STAT4: variants seen among roughly 807,000 people sequenced by gnomAD.
STAT4 encodes signal transducer and activator of transcription 4.
STAT4 carries 42 observed loss-of-function variants against 110.5 expected under a neutral mutation model. That is an observed-to-expected ratio of 0.38 (90% CI 0.30 to 0.49). STAT4 has a LOEUF of 0.49. Among genes scored for constraint, STAT4 ranks in the 20% least tolerant of loss-of-function variants. STAT4 has a pLI of 0.95. For synonymous variants in STAT4, 284 were observed against 302.2 expected, an observed-to-expected ratio of 0.94 and a Z score of 0.63; for missense variants, 632 against 887.9, an observed-to-expected ratio of 0.71 and a Z score of 3.66.
intron 8 of STAT4, among the ~76,000 whole-genome samples, chr2:191,063,493 G>A (rs541897281): frequency 1.1e-4 from 17 of 152,258 alleles, no homozygotes; most frequent in Non-Finnish European, 1.8e-4. Flanking sequence ...TATTCACTAT[G>A]TGGTGATCTC....
chr2:191,066,111 T>C lies in STAT4; in HGVS notation c.630+319A>G, dbSNP rs934038784. 2.6e-5 allele frequency among the ~76,000 whole-genome samples: 4 copies of C among 152,194 alleles called. No homozygotes were observed. Among genetic ancestry groups the C allele is most frequent in the African/African-American group, 7.2e-5 (3 of 41,450 alleles). On this transcript the variant is annotated intron_variant, in intron 7 of 23. Coordinates refer to ENST00000392320, the MANE Select transcript of STAT4 (RefSeq NM_003151.4). This position sits in a 1 kb window ranked among gnomAD's most constrained non-coding sequence, Gnocchi z 4.3. ...ATGTGCAGTGGAACCCATCTCAGCA[T>C]ATTAAGTACAGCAACTGAAACAGCC...
intron 3 of STAT4, among the ~76,000 whole-genome samples, chr2:191,084,171 A>G (rs1448206227): frequency 6.6e-6 from 1 of 152,026 alleles, no homozygotes; most frequent in East Asian, 1.9e-4. Flanking sequence ...CTGAGGCAAG[A>G]GACTCGCTTG....
intron 3 of STAT4, among the ~76,000 whole-genome samples, chr2:191,127,836 G>C (rs1275451103): frequency 6.6e-6 from 1 of 152,160 alleles, no homozygotes; most frequent in East Asian, 1.9e-4. Context: ...AATCGTCATG[G>C]ACTCGAGTAC....
intron 8 of STAT4, among the ~76,000 whole-genome samples, chr2:191,064,052 C>T (rs1696918623): frequency 6.6e-6 from 1 of 152,132 alleles, no homozygotes; most frequent in African/African-American, 2.4e-5. Context: ...ACATTTTAAT[C>T]TTCTAATGCA....
At chr2:191,137,433 A>C (rs968952983) in intron 3 of STAT4, among the ~76,000 whole-genome samples, 2 of 152,220 alleles carry the variant, frequency 1.3e-5, no homozygotes, top group Non-Finnish European at 2.9e-5. Flanking sequence ...CATACTGCCC[A>C]AAGCAATCTA....
chr2:191,039,698 A>G lies in STAT4; in HGVS notation c.1336-401T>C, dbSNP rs1337562253. Among the ~76,000 whole-genome samples the G allele has an allele frequency of 1.3e-5, 2 of 152,268 alleles. No individual in the cohort carries two copies. The highest frequency in any genetic ancestry group is 4.8e-5 in the African/African-American group (2 of 41,482). ...AAGTTTATCTCTGGAATGAATCAGT[A>G]CCTTCAAATTATGACCTAACACCTA... On this transcript the variant is annotated intron_variant, in intron 15 of 23. Coordinates refer to ENST00000392320, the MANE Select transcript of STAT4 (RefSeq NM_003151.4). The surrounding 1 kb of genome is among the most constrained non-coding windows in gnomAD (Gnocchi z 4.7).
chr2:191,135,607 C>T lies in STAT4; in HGVS notation c.273+11006G>A, dbSNP rs919435251. Among the ~76,000 whole-genome samples the T allele has an allele frequency of 6.6e-6, 1 of 152,162 alleles. No individual in the cohort carries two copies. Among genetic ancestry groups the T allele is most frequent in the African/African-American group, 2.4e-5 (1 of 41,426 alleles). ...TCCTCCTCATGAGTAGCTGGGACTA[C>T]AGGTGATCACCACCACGCCCAGCTA... On this transcript the variant is annotated intron_variant, in intron 3 of 23. Coordinates refer to ENST00000392320, the MANE Select transcript of STAT4 (RefSeq NM_003151.4). The surrounding 1 kb of genome is among the most constrained non-coding windows in gnomAD (Gnocchi z 4.8).
At chr2:191,096,154 G>A (rs1441643460) in intron 3 of STAT4, among the ~76,000 whole-genome samples, 1 of 152,094 alleles carries the variant, frequency 6.6e-6, no homozygotes, top group African/African-American at 2.4e-5. Flanking sequence ...AAAAGCCCAG[G>A]ACCAGAGGGA....
chr2:191,068,383 G>A (rs1319190109), intron 6 of STAT4: 2 of 152,068 alleles, frequency 1.3e-5, no homozygotes, highest in Non-Finnish European at 1.5e-5. Flanking sequence ...ACCCATGTTT[G>A]TGCCATTTCT....
Position 191,051,673 on chromosome 2 carries a change from G to A in STAT4, c.1251+2817C>T, listed in dbSNP as rs1696527308. Among the ~76,000 whole-genome samples, 1 of 152,200 alleles carries A rather than the reference G, an allele frequency of 6.6e-6. No individual in the cohort carries two copies. The highest frequency in any genetic ancestry group is 2.1e-4 in the South Asian group (1 of 4,828). On this transcript the variant is annotated intron_variant, in intron 14 of 23. Transcript: ENST00000392320. The surrounding 1 kb of genome is among the most constrained non-coding windows in gnomAD (Gnocchi z 5.6). ...GGTGGGTGAGGTGCAGACACTCTGTGAGATAGATGGGGTGAGGTGACGGGG... is the reference window on the plus strand; with the variant it reads ...GGTGGGTGAGGTGCAGACACTCTGTAAGATAGATGGGGTGAGGTGACGGGG...
chr2:191,062,665 A>ATACT lies in STAT4; in HGVS notation c.941+93_941+96dup. On this transcript the variant is annotated intron_variant, in intron 9 of 23. Coordinates refer to ENST00000392320, the MANE Select transcript of STAT4 (RefSeq NM_003151.4). This position sits in a 1 kb window ranked among gnomAD's most constrained non-coding sequence, Gnocchi z 4.9. ...ACTTCTCCCTGAGGCTCGTTGTTGA[A>ATACT]TACTTCCCTGCCACTCTTCCACCTA... 2 of 1,377,610 alleles carry ATACT rather than the reference A, an allele frequency of 1.5e-6. No individual in the cohort carries two copies. Among genetic ancestry groups the ATACT allele is most frequent in the Non-Finnish European group, 2.0e-6 (2 of 991,594 alleles). The allele number at this position is 1,377,610 out of a possible 1,614,324, so 85.3% of individuals were successfully genotyped here. A position where few individuals can be genotyped will look rare whatever the true frequency, so the allele number is the denominator to read the frequency against.
chr2:191,111,625 T>G (rs1698426076), intron 3 of STAT4, among the ~76,000 whole-genome samples: 1 of 152,146 alleles, frequency 6.6e-6, no homozygotes, highest in Admixed American at 6.5e-5. Context: ...GGCTGAGGCA[T>G]GAAGATCTTT....
chr2:191,119,171 A>G (rs1317576738), intron 3 of STAT4, among the ~76,000 whole-genome samples: 1 of 152,228 alleles, frequency 6.6e-6, no homozygotes, highest in Non-Finnish European at 1.5e-5. Context: ...TCACCTGTGT[A>G]TACTGGTGAA....
At chr2:191,094,255 C>G (rs1038424246) in intron 3 of STAT4, among the ~76,000 whole-genome samples, 1 of 152,172 alleles carries the variant, frequency 6.6e-6, no homozygotes, top group Non-Finnish European at 1.5e-5. Context: ...AAAGATACTC[C>G]TTGAGAAGAC....
chr2:191,132,157 G>A (rs373210653), intron 3 of STAT4, among the ~76,000 whole-genome samples: 16 of 151,868 alleles, frequency 1.1e-4, no homozygotes, highest in East Asian at 3.9e-4. Context: ...AGTAGGGCTA[G>A]TAAGTTGTTC....
rs556839994 is a variant in STAT4, at chr2:191,039,873, C to A, written c.1336-576G>T. 1.3e-3 allele frequency among the ~76,000 whole-genome samples: 191 copies of A among 152,266 alleles called. No homozygotes were observed. The highest frequency in any genetic ancestry group is 4.2e-3 in the African/African-American group (176 of 41,548). ...TTTTCTACTTTATGAGATAAACAGGCTTTTACAAATTAGCTTGGGAAACTA... is the reference window on the plus strand; with the variant it reads ...TTTTCTACTTTATGAGATAAACAGGATTTTACAAATTAGCTTGGGAAACTA... On this transcript the variant is annotated intron_variant, in intron 15 of 23. Transcript: ENST00000392320. This position sits in a 1 kb window ranked among gnomAD's most constrained non-coding sequence, Gnocchi z 4.7.
chr2:191,065,949 G>A (rs1696974899), intron 7 of STAT4, among the ~76,000 whole-genome samples: 1 of 152,146 alleles, frequency 6.6e-6, no homozygotes, highest in Non-Finnish European at 1.5e-5. Flanking sequence ...AAGTTAGATT[G>A]AGTATGTTCA....
intron 3 of STAT4, among the ~76,000 whole-genome samples, chr2:191,136,387 G>A (rs934313633): frequency 6.6e-6 from 1 of 152,178 alleles, no homozygotes; most frequent in African/African-American, 2.4e-5. Flanking sequence ...CATATTGCTG[G>A]GAGTCATAGC....
Position 191,060,819 on chromosome 2 carries a change from G to T in STAT4, c.1034+910C>A, listed in dbSNP as rs1163542077. On this transcript the variant is annotated intron_variant, in intron 10 of 23. Coordinates refer to ENST00000392320, the MANE Select transcript of STAT4 (RefSeq NM_003151.4). The surrounding 1 kb of genome is among the most constrained non-coding windows in gnomAD (Gnocchi z 4.5). ...AAAGAAACTGATTAAGAAGTTAATG[G>T]TGTCTTAAAAATGCAAACCGAAGAC... Among the ~76,000 whole-genome samples, 1 of 152,178 alleles carries T rather than the reference G, an allele frequency of 6.6e-6. No homozygotes were observed. Among genetic ancestry groups the T allele is most frequent in the Admixed American group, 6.5e-5 (1 of 15,282 alleles).
Sources: allele counts gnomAD v4.1 joint callset (sites outside exome capture counted in the v4.1 genomes callset), GRCh38; gene constraint gnomAD v4.1.1; non-coding constraint Gnocchi (gnomAD v3.1); transcripts MANE v1.5; gene names NCBI Gene and HGNC (gene_info 2026-07-23, HGNC 2026-07-21).